The following GBF1 variants were observed in gnomAD, a reference collection of about 807,000 sequenced individuals.
GBF1 encodes Golgi-specific brefeldin A-resistance guanine nucleotide exchange factor 1.
GBF1 carries 114 observed loss-of-function variants against 210.5 expected under a neutral mutation model. The ratio of observed to expected loss-of-function variants is 0.54; its 90% CI spans 0.47 to 0.63. The LOEUF is 0.63. GBF1 is among the 30% of genes least tolerant of loss of function. The pLI, the probability that GBF1 is intolerant of heterozygous loss-of-function variation, is 0.00. For synonymous variants in GBF1, 850 were observed against 889.2 expected (o/e 0.96, Z 0.78); for missense variants, 1,851 against 2,357.7 (o/e 0.79, Z 4.45).
the GBF1 span, chr10:102,231,522 C>T: frequency 1.0e-5 from 11 of 1,105,090 alleles, no homozygotes; most frequent in Non-Finnish European, 6.6e-6. Context: ...GAACCGCTGG[C>T]CTCCGGGTCG....
At chr10:102,335,138 CACTG>C (rs2134392193) in intron 3 of GBF1, among the ~76,000 whole-genome samples, 1 of 152,170 alleles carries the variant, frequency 6.6e-6, no homozygotes, top group Non-Finnish European at 1.5e-5. Context: ...TGTAATTTGT[CACTG>C]ACTGTCCAGA....
chr10:102,289,149 C>A (rs1297757715), intron 3 of GBF1, among the ~76,000 whole-genome samples: 2 of 151,788 alleles, frequency 1.3e-5, no homozygotes, highest in Non-Finnish European at 2.9e-5. Context: ...CTATTCTTCA[C>A]CTTTCTAGGA....
intron 3 of GBF1, among the ~76,000 whole-genome samples, chr10:102,311,208 A>C (rs1430217831): frequency 6.6e-6 from 1 of 152,212 alleles, no homozygotes; most frequent in Non-Finnish European, 1.5e-5. Context: ...CTGCAAGTTT[A>C]AGCAGATTGC....
chr10:102,326,088 G>A (rs1393428710), intron 3 of GBF1, among the ~76,000 whole-genome samples: 1 of 152,218 alleles, frequency 6.6e-6, no homozygotes, highest in East Asian at 1.9e-4. Context: ...AGTAGTGGCA[G>A]CTCTGGAACT....
intron 3 of GBF1, among the ~76,000 whole-genome samples, chr10:102,303,035 T>C (rs539088772): frequency 1.7e-4 from 25 of 149,846 alleles, no homozygotes; most frequent in African/African-American, 6.1e-4. Context: ...TTGCCCAGGC[T>C]GGAGTGCAGT....
intron 3 of GBF1, among the ~76,000 whole-genome samples, chr10:102,309,862 G>A (rs2078257126): frequency 6.6e-6 from 1 of 152,166 alleles, no homozygotes; most frequent in African/African-American, 2.4e-5. Context: ...TAGTGATGCT[G>A]AGTTAGTCCT....
At chr10:102,378,261 AT>A (rs2060631047) in intron 33 of GBF1, among the ~76,000 whole-genome samples, 1 of 151,932 alleles carries the variant, frequency 6.6e-6, no homozygotes, top group African/African-American at 2.4e-5. Context: ...GAAAGTAAAA[AT>A]GTATTAAATC....
In GBF1 at chr10:102,352,080, G is replaced by A. The variant is rs906709107; in HGVS notation, c.523+129G>A. 6 of 664,488 alleles carry A rather than the reference G, an allele frequency of 9.0e-6. No individual in the cohort carries two copies. In the East Asian group the frequency reaches 1.3e-4, roughly 15 times the overall value. 41.2% of individuals were successfully genotyped at this position (664,488 alleles called of 1,614,324 possible). A position where few individuals can be genotyped will look rare whatever the true frequency, so the allele number is the denominator to read the frequency against. ...CATCATCTATCTCATGCGATCATAG[G>A]GGTCTAGAAGAAATGTCTGTACTTG... On this transcript the variant is annotated intron_variant, in intron 6 of 39. Coordinates refer to ENST00000369983, the MANE Select transcript of GBF1 (RefSeq NM_001377137.1).
At position 102,376,713 on chromosome 10, in the gene GBF1, G is replaced by C. The variant is rs1027929243; in HGVS notation, c.4201G>C (p.Val1401Leu). 1.2e-6 allele frequency: 2 copies of C among 1,612,372 alleles called. No individual in the cohort carries two copies. The highest frequency in any genetic ancestry group is 3.3e-5 in the Admixed American group (2 of 59,994). ...LKCVESLSFIVRDAAHITPDN... is the reference protein window; with the variant it reads ...LKCVESLSFILRDAAHITPDN... Reference sequence around the variant, plus strand: ...GTGTGTGGAATCGCTGTCCTTCATTGTGCGTGATGCTGCCCACATCACACC... The same window carrying C: ...GTGTGTGGAATCGCTGTCCTTCATTCTGCGTGATGCTGCCCACATCACACC... Residue 1401 changes from valine to leucine, a missense_variant, in exon 32 of 40, where the codon GTG (valine) becomes CTG (leucine). Physicochemically the swap from Val to Leu is conservative, Grantham distance 32. Around this residue, in one of 3 missense-constraint regions of GBF1, gnomAD observed 967 missense variants for 1,247.7 expected, o/e 0.78. Transcript: ENST00000369983.
At chr10:102,277,800 A>G (rs938119792) in intron 3 of GBF1, among the ~76,000 whole-genome samples, 6 of 151,964 alleles carry the variant, frequency 3.9e-5, no homozygotes, top group African/African-American at 1.5e-4. Flanking sequence ...ATAATTTACT[A>G]TTCATATTCC....
intron 3 of GBF1, among the ~76,000 whole-genome samples, chr10:102,312,295 G>GAAA (rs199516651): frequency 7.8e-6 from 1 of 129,010 alleles, no homozygotes; most frequent in Non-Finnish European, 1.7e-5. Flanking sequence ...CTCTGTCTCA[G>GAAA]AAAAAAAAAA....
At chr10:102,283,955 G>A (rs969076913) in intron 3 of GBF1, among the ~76,000 whole-genome samples, 1 of 152,200 alleles carries the variant, frequency 6.6e-6, no homozygotes, top group Non-Finnish European at 1.5e-5. Flanking sequence ...AAGAAGCTTA[G>A]GTTCAGTGAG....
intron 3 of GBF1, among the ~76,000 whole-genome samples, chr10:102,308,733 G>A (rs1464144243): frequency 2.7e-5 from 4 of 149,966 alleles, no homozygotes; most frequent in African/African-American, 9.9e-5. Context: ...TGTGGGGTAG[G>A]GGGAGGGGGG....
chr10:102,283,826 C>T (rs549467102), intron 3 of GBF1, among the ~76,000 whole-genome samples: 1 of 152,188 alleles, frequency 6.6e-6, no homozygotes, highest in African/African-American at 2.4e-5. Context: ...CAAAGAACTC[C>T]GAATTGAGCT....
At chr10:102,302,810 G>A (rs950072096) in intron 3 of GBF1, among the ~76,000 whole-genome samples, 4 of 152,044 alleles carry the variant, frequency 2.6e-5, no homozygotes, top group African/African-American at 9.7e-5. Context: ...GTGGATCAAA[G>A]CCAGGAGGGA....
chr10:102,276,468 G>A (rs1565047234), intron 3 of GBF1, among the ~76,000 whole-genome samples: 1 of 149,690 alleles, frequency 6.7e-6, no homozygotes, highest in Non-Finnish European at 1.5e-5. Flanking sequence ...GGAGGTTGCA[G>A]TGAGCTGAGA....
At chr10:102,379,980 C>T (rs747926003) in intron 36 of GBF1, 26 bp downstream of exon 36, 13 of 1,446,018 alleles carry the variant, frequency 9.0e-6, no homozygotes, top group Non-Finnish European at 1.3e-5. Context: ...CTATACCCAC[C>T]CTCTCTCCCA....
intron 29 of GBF1, among the ~76,000 whole-genome samples, chr10:102,373,348 G>C (rs532965899): frequency 6.6e-6 from 1 of 152,334 alleles, no homozygotes; most frequent in African/African-American, 2.4e-5. Flanking sequence ...GCTGAGGTGG[G>C]TGGATCACCT....
intron 4 of GBF1, among the ~76,000 whole-genome samples, chr10:102,350,021 G>A (rs894937530): frequency 3.7e-4 from 56 of 152,002 alleles, no homozygotes; most frequent in Middle Eastern, 3.4e-3. Flanking sequence ...ATTCTTGCTC[G>A]TCGTCATATT....
Sources: gnomAD v4.1 joint callset for allele counts (sites outside exome capture counted in the v4.1 genomes callset) on GRCh38, gnomAD v4.1.1 for gene constraint, gnomAD v4.1.1 regional missense constraint, MANE v1.5 for transcripts, NCBI Gene and HGNC (gene_info 2026-07-23, HGNC 2026-07-21) for gene names.